The following B3GALNT2 variants were observed in gnomAD, a reference collection of about 807,000 sequenced individuals.
The protein encoded by B3GALNT2 is UDP-GalNAc:beta-1,3-N-acetylgalactosaminyltransferase 2.
In B3GALNT2, 53 loss-of-function variants were observed where a neutral mutation model predicts 61.1. The observed-to-expected ratio is 0.87, with a 90% CI of 0.70 to 1.09. The LOEUF (loss-of-function observed/expected upper bound fraction) is 1.09. B3GALNT2 is among the 50% of genes least tolerant of loss of function. The pLI, the probability that B3GALNT2 is intolerant of heterozygous loss-of-function variation, is 0.00. For synonymous variants in B3GALNT2, 223 were observed against 237.4 expected (o/e 0.94, Z 0.56); for missense variants, 544 against 623.0 (o/e 0.87, Z 1.35).
downstream of B3GALNT2, chr1:235,443,087 G>A (rs970076632): frequency 1.4e-5 from 9 of 661,978 alleles, no homozygotes; most frequent in Non-Finnish European, 2.3e-5. Context: ...ACTCCCCCAT[G>A]CCCCCAAAAG....
At chr1:235,480,906 A>C (rs961337253) in intron 4 of B3GALNT2, among the ~76,000 whole-genome samples, 1 of 4,754 alleles carries the variant, frequency 2.1e-4, no homozygotes, top group Non-Finnish European at 3.9e-4. Flanking sequence ...ACTCTGTCTC[A>C]AAAAAAAAAA....
At chr1:235,466,206 AT>A (rs946227086) in intron 6 of B3GALNT2, among the ~76,000 whole-genome samples, 15 of 149,042 alleles carry the variant, frequency 1.0e-4, no homozygotes, top group African/African-American at 3.2e-4. Flanking sequence ...TTAAAAAAAA[AT>A]TTTTTTTTAA....
Position 235,454,005 on chromosome 1 carries a change from A to T in B3GALNT2, c.1311+151T>A, listed in dbSNP as rs534469451. ...GGGAAATCCTTAATTTTTTGTTTTT[A>T]TTTTATTTTTTATTATAGAGATGGG... On this transcript the variant is annotated intron_variant, in intron 10 of 11. Coordinates refer to ENST00000366600, the MANE Select transcript of B3GALNT2 (RefSeq NM_152490.5). 9.3e-4 allele frequency: 611 copies of T among 657,132 alleles called. 3 individuals are homozygous for T. The African/African-American group carries it at 0.01, about 11-fold the overall frequency. The allele number at this position is 657,132 out of a possible 1,614,324, so 40.7% of individuals were successfully genotyped here.
At chr1:235,469,881 T>C (rs1302381921) in intron 6 of B3GALNT2, among the ~76,000 whole-genome samples, 1 of 151,916 alleles carries the variant, frequency 6.6e-6, no homozygotes, top group Non-Finnish European at 1.5e-5. Flanking sequence ...AATATTTTTA[T>C]CTATAGTAGT....
rs1682674310 is a variant in B3GALNT2 at position 235,448,757 on chromosome 1, T to C, written c.*1449A>G. On this transcript the variant is annotated 3_prime_UTR_variant, in exon 12 of 12. Coordinates refer to ENST00000366600, the MANE Select transcript of B3GALNT2 (RefSeq NM_152490.5). Reference sequence around the variant, plus strand: ...AAATGGAGATTGTCTATTAGTGCGATGGTGACAACCAACTAATAAAATTTA... The same window carrying C: ...AAATGGAGATTGTCTATTAGTGCGACGGTGACAACCAACTAATAAAATTTA... 3.1e-6 allele frequency: 5 copies of C among 1,609,972 alleles called. No homozygotes were observed. Among genetic ancestry groups the C allele is most frequent in the Non-Finnish European group, 4.2e-6 (5 of 1,176,484 alleles).
chr1:235,466,682 C>T (rs1046534723), intron 6 of B3GALNT2, among the ~76,000 whole-genome samples: 9 of 152,170 alleles, frequency 5.9e-5, no homozygotes, highest in Admixed American at 5.9e-4. Flanking sequence ...GTGCTTAAGC[C>T]TATTGTGCCA....
intron 1 of B3GALNT2, among the ~76,000 whole-genome samples, chr1:235,495,896 T>C (rs1558442553): frequency 6.6e-6 from 1 of 152,246 alleles, no homozygotes; most frequent in Non-Finnish European, 1.5e-5. Context: ...AGGTTGATAT[T>C]TTCTTCAAAG....
chr1:235,466,895 G>A (rs1031375651), intron 6 of B3GALNT2, among the ~76,000 whole-genome samples: 8 of 152,124 alleles, frequency 5.3e-5, no homozygotes, highest in African/African-American at 1.7e-4. Flanking sequence ...CATACTCAGT[G>A]TATTTACAGT....
At chr1:235,498,843 C>CAGAAAAAAAAAAAAAAAAA (rs1685452626) in intron 1 of B3GALNT2, among the ~76,000 whole-genome samples, 1 of 64,088 alleles carries the variant, frequency 1.6e-5, no homozygotes, top group East Asian at 9.0e-4. Context: ...GACTCCTTCT[C>CAGAAAAAAAAAAAAAAAAA]AAAAAAAAAA....
intron 5 of B3GALNT2, among the ~76,000 whole-genome samples, chr1:235,474,964 TA>T (rs1558425143): frequency 2.0e-4 from 5 of 25,532 alleles, no homozygotes; most frequent in Middle Eastern, 0.011. Flanking sequence ...TATATATATA[TA>T]TATATATATA....
rs1682462720 is a variant in B3GALNT2 at position 235,447,568 on chromosome 1, AT to A, written c.*2637del. On this transcript the variant is annotated 3_prime_UTR_variant, in exon 12 of 12. Transcript: ENST00000366600. ...GGCGCTGGAAGGGACCTTGTAGATCATTTAGTTGGCACCCTAATTTTACAGA... is the reference window on the plus strand; with the variant it reads ...GGCGCTGGAAGGGACCTTGTAGATCATTAGTTGGCACCCTAATTTTACAGA... Among the ~76,000 whole-genome samples the A allele has an allele frequency of 3.9e-5, 6 of 152,306 alleles. No homozygotes were observed. In the East Asian group the frequency reaches 1.2e-3, roughly 29 times the overall value.
intron 3 of B3GALNT2, among the ~76,000 whole-genome samples, chr1:235,488,113 G>A (rs571879801): frequency 3.3e-5 from 5 of 152,186 alleles, no homozygotes; most frequent in South Asian, 2.1e-4. Context: ...TGTTACTTGT[G>A]TCTTACATTT....
At position 235,465,582 on chromosome 1, in the gene B3GALNT2, A is replaced by AAG. The variant is rs759950558; in HGVS notation, c.841+53_841+54insCT. ...AAAAATCCTTTTCTCTCAAGTATAAAGATTAAGTATAAGACATTCAGTGTA... is the reference window on the plus strand; with the variant it reads ...AAAAATCCTTTTCTCTCAAGTATAAAAGGATTAAGTATAAGACATTCAGTGTA... On this transcript the variant is annotated intron_variant, in intron 7 of 11. Transcript: ENST00000366600. The AAG allele has an allele frequency of 2.5e-6, 4 of 1,578,330 alleles. No individual in the cohort carries two copies. In the South Asian group the frequency reaches 3.5e-5, roughly 14 times the overall value.
chr1:235,504,154 C>T lies in B3GALNT2; in HGVS notation c.99G>A (p.Gly33=), dbSNP rs887782159. The change falls in exon 1 of 12, where the codon GGG becomes GGA. Residue 33 remains glycine, a synonymous_variant. Coordinates refer to ENST00000366600, the MANE Select transcript of B3GALNT2 (RefSeq NM_152490.5). ...LRSPPPACAS[G]AGPADQLALF... The stretch of plus-strand genomic sequence containing the variant: ...CCAGGACCTCACCTGCAGGGCCGGC[C>T]CCGGAGGCGCAGGCGGGCGGCGGGG... 1 of 1,288,426 alleles carries T rather than the reference C, an allele frequency of 7.8e-7. No individual in the cohort carries two copies. The highest frequency in any genetic ancestry group is 9.8e-7 in the Non-Finnish European group (1 of 1,023,804). The allele number at this position is 1,288,426 out of a possible 1,614,324, so 79.8% of individuals were successfully genotyped here. A position where few individuals can be genotyped will look rare whatever the true frequency, so the allele number is the denominator to read the frequency against.
Position 235,447,949 on chromosome 1 carries a change from G to A in B3GALNT2, c.*2257C>T, listed in dbSNP as rs140720143. ...AGATACAGCCAGGCGCTGGGCTCAT[G>A]CTTGTAATCCCAGCACTTTGGGGGG... On this transcript the variant is annotated 3_prime_UTR_variant, in exon 12 of 12. Coordinates refer to ENST00000366600, the MANE Select transcript of B3GALNT2 (RefSeq NM_152490.5). Among the ~76,000 whole-genome samples the A allele has an allele frequency of 6.6e-5, 10 of 152,232 alleles. 1 individual carries two copies. Among genetic ancestry groups the A allele is most frequent in the Admixed American group, 1.3e-4 (2 of 15,280 alleles).
downstream of B3GALNT2, among the ~76,000 whole-genome samples, chr1:235,446,396 C>CA (rs2102948586): frequency 6.6e-6 from 1 of 152,198 alleles, no homozygotes; most frequent in Non-Finnish European, 1.5e-5. Flanking sequence ...AGGCTGGTCT[C>CA]AAACTCCTGA....
intron 1 of B3GALNT2, among the ~76,000 whole-genome samples, chr1:235,495,059 A>C (rs1279517518): frequency 6.6e-6 from 1 of 152,224 alleles, no homozygotes; most frequent in Non-Finnish European, 1.5e-5. Flanking sequence ...ATTCATGCTC[A>C]CGTAAGTATA....
At chr1:235,474,970 TATATATA>T (rs1410314166) in intron 5 of B3GALNT2, among the ~76,000 whole-genome samples, 466 of 34,474 alleles carry the variant, frequency 0.014, 31 homozygotes, top group East Asian at 0.065. Context: ...TATATATATA[TATATATA>T]TATATATATA....
At chr1:235,478,699 A>G (rs1468004787) in intron 5 of B3GALNT2, among the ~76,000 whole-genome samples, 1 of 152,238 alleles carries the variant, frequency 6.6e-6, no homozygotes, top group Non-Finnish European at 1.5e-5. Context: ...ACTTTCATAC[A>G]ATGTAATTCT....
Sources: gnomAD v4.1 joint callset for allele counts (sites outside exome capture counted in the v4.1 genomes callset) on GRCh38, gnomAD v4.1.1 for gene constraint, MANE v1.5 for transcripts, NCBI Gene and HGNC (gene_info 2026-07-23, HGNC 2026-07-21) for gene names.